The following COG5 variants were observed in gnomAD, a reference collection of about 807,000 sequenced individuals.
The protein encoded by COG5 is component of oligomeric golgi complex 5.
COG5 carries 86 observed loss-of-function variants against 110.4 expected under a neutral mutation model. The ratio of observed to expected loss-of-function variants is 0.78; its 90% CI spans 0.65 to 0.93. The LOEUF is 0.93. Ranked by LOEUF, COG5 falls within the 40% of genes least tolerant of loss-of-function variation. The pLI, the probability that COG5 is intolerant of heterozygous loss-of-function variation, is 0.00. For synonymous variants in COG5, 360 were observed against 334.6 expected (o/e 1.08, Z -0.83); for missense variants, 1,077 against 987.0 (o/e 1.09, Z -1.22).
At chr7:107,409,403 A>C (rs184408719) in intron 7 of COG5, among the ~76,000 whole-genome samples, 57 of 152,148 alleles carry the variant, frequency 3.7e-4, no homozygotes, top group African/African-American at 1.3e-3. Flanking sequence ...ACTGAAAGTA[A>C]TCTACTTTCA....
chr7:107,350,252 C>G (rs775837301), intron 10 of COG5, among the ~76,000 whole-genome samples: 7 of 152,112 alleles, frequency 4.6e-5, no homozygotes, highest in Non-Finnish European at 8.8e-5. Flanking sequence ...ATAACCTAGT[C>G]TTTATGAGGC....
chr7:107,371,000 T>C (rs1433582963), intron 8 of COG5, among the ~76,000 whole-genome samples: 1 of 152,008 alleles, frequency 6.6e-6, no homozygotes, highest in Non-Finnish European at 1.5e-5. Flanking sequence ...CTTTCATTTT[T>C]TTCCCCATTC....
chr7:107,421,125 T>G (rs759132400), intron 6 of COG5, among the ~76,000 whole-genome samples: 11 of 152,204 alleles, frequency 7.2e-5, no homozygotes, highest in Non-Finnish European at 1.5e-4. Context: ...TTTCCTTTTT[T>G]CCTGACTTTC....
intron 10 of COG5, among the ~76,000 whole-genome samples, chr7:107,345,005 TGA>T (rs1040014638): frequency 2.0e-5 from 3 of 152,192 alleles, no homozygotes; most frequent in Non-Finnish European, 4.4e-5. Context: ...TGATTTAAAA[TGA>T]GAGGCATGTG....
intron 12 of COG5, among the ~76,000 whole-genome samples, chr7:107,294,107 T>C (rs1164337115): frequency 6.6e-6 from 1 of 151,926 alleles, no homozygotes; most frequent in Non-Finnish European, 1.5e-5. Flanking sequence ...CATGATTACT[T>C]CCAAATACAT....
rs1268395186 is a variant in COG5, at chr7:107,201,389, ACT to A, written c.*2125_*2126del. On this transcript the variant is annotated 3_prime_UTR_variant, in exon 22 of 22. Coordinates refer to ENST00000297135, the MANE Select transcript of COG5 (RefSeq NM_006348.5). The stretch of plus-strand genomic sequence containing the variant: ...ACTATGTATTGATTTGTAAACATTC[ACT>A]GAGTTTAATTTTATTTCCACAGGGC... The A allele has an allele frequency of 6.7e-7, 1 of 1,495,620 alleles. No homozygotes were observed. Among genetic ancestry groups the A allele is most frequent in the Non-Finnish European group, 9.3e-7 (1 of 1,074,634 alleles). The allele number at this position is 1,495,620 out of a possible 1,614,324, so 92.6% of individuals were successfully genotyped here.
chr7:107,312,833 A>AGGACCTCGGCAGAAGCC (rs537046111), intron 11 of COG5, among the ~76,000 whole-genome samples: 22,527 of 146,188 alleles, frequency 0.15, 2,063 homozygotes, highest in Non-Finnish European at 0.21. Flanking sequence ...TGGCAGAAGC[A>AGGACCTCGGCAGAAGCC]GAGGACCTCG....
intron 7 of COG5, among the ~76,000 whole-genome samples, chr7:107,396,747 G>A (rs914038884): frequency 1.3e-5 from 2 of 151,862 alleles, no homozygotes; most frequent in African/African-American, 4.8e-5. Context: ...GTCATAGTTT[G>A]GCATTAAAGT....
chr7:107,467,521 T>G (rs1796368173), intron 6 of COG5, among the ~76,000 whole-genome samples: 2 of 152,068 alleles, frequency 1.3e-5, no homozygotes, highest in African/African-American at 4.8e-5. Context: ...ATGCCTAATT[T>G]TTGTATTTTT....
At chr7:107,400,952 G>A (rs922627443) in intron 7 of COG5, among the ~76,000 whole-genome samples, 1 of 152,108 alleles carries the variant, frequency 6.6e-6, no homozygotes, top group Admixed American at 6.5e-5. Context: ...GAGAAAAAGA[G>A]TAGGAGAAAA....
At chr7:107,527,897 T>G (rs888912319) in intron 5 of COG5, among the ~76,000 whole-genome samples, 1 of 152,190 alleles carries the variant, frequency 6.6e-6, no homozygotes, top group Non-Finnish European at 1.5e-5. Flanking sequence ...TTCTATGGGT[T>G]AGAACCAAGC....
intron 14 of COG5, among the ~76,000 whole-genome samples, chr7:107,261,924 T>C (rs1405096052): frequency 6.6e-6 from 1 of 151,764 alleles, no homozygotes; most frequent in Admixed American, 6.6e-5. Flanking sequence ...AGATAGGCTC[T>C]CTGTCACCCA....
At chr7:107,465,782 T>C (rs1796259092) in intron 6 of COG5, among the ~76,000 whole-genome samples, 1 of 152,194 alleles carries the variant, frequency 6.6e-6, no homozygotes, top group African/African-American at 2.4e-5. Flanking sequence ...CAGCCTATAG[T>C]AAAACTCTGC....
chr7:107,282,553 GCT>G (rs1805262897), intron 13 of COG5, among the ~76,000 whole-genome samples: 1 of 152,000 alleles, frequency 6.6e-6, no homozygotes, highest in Non-Finnish European at 1.5e-5. Context: ...ACAGGGTTTC[GCT>G]CTGTCAGCCA....
chr7:107,255,353 A>T (rs1241541620), intron 16 of COG5, among the ~76,000 whole-genome samples: 1 of 152,158 alleles, frequency 6.6e-6, no homozygotes, highest in Non-Finnish European at 1.5e-5. Context: ...CTTCTAATAC[A>T]CTGGGGGAAA....
At position 107,558,088 on chromosome 7, in the gene COG5, T is replaced by A; in HGVS notation, c.122A>T (p.Asp41Val). ...AGAAGTATAAGTCTTTACATCAAAGTCTTCGTTTAAAAAGTCACTATAACA... is the reference window on the plus strand; with the variant it reads ...AGAAGTATAAGTCTTTACATCAAAGACTTCGTTTAAAAAGTCACTATAACA... ...DGCYSDFLNE[D>V]FDVKTYTSQS... The change falls in exon 2 of 22, where the codon GAC becomes GTC. Residue 41 changes from aspartate to valine, a missense_variant. Physicochemically the swap from Asp to Val is radical, Grantham distance 152 (BLOSUM62 -3). Coordinates refer to ENST00000297135, the MANE Select transcript of COG5 (RefSeq NM_006348.5). 1 of 1,613,886 alleles carries A rather than the reference T, an allele frequency of 6.2e-7. No individual in the cohort carries two copies. Among genetic ancestry groups the A allele is most frequent in the Non-Finnish European group, 8.5e-7 (1 of 1,179,890 alleles).
intron 21 of COG5, 165 bp downstream of exon 21, chr7:107,210,360 AC>A: frequency 7.0e-7 from 1 of 1,437,784 alleles, no homozygotes; most frequent in Non-Finnish European, 9.1e-7. Flanking sequence ...AACATTTCCA[AC>A]TGCTGGTTGC....
intron 5 of COG5, among the ~76,000 whole-genome samples, chr7:107,535,778 GA>G (rs1358963934): frequency 1.3e-5 from 2 of 152,066 alleles, no homozygotes; most frequent in African/African-American, 4.8e-5. Flanking sequence ...CTAAACAATA[GA>G]AAAAGAGAGA....
chr7:107,472,758 C>T (rs1796713849), intron 6 of COG5: 1 of 151,802 alleles, frequency 6.6e-6, no homozygotes, highest in African/African-American at 2.4e-5. Flanking sequence ...TATTCTAAAA[C>T]TTGTCAAATA....
Sources: gnomAD v4.1 joint callset for allele counts (sites outside exome capture counted in the v4.1 genomes callset) on GRCh38, gnomAD v4.1.1 for gene constraint, MANE v1.5 for transcripts, NCBI Gene and HGNC (gene_info 2026-07-23, HGNC 2026-07-21) for gene names.